DOCK1: variants seen among roughly 807,000 people sequenced by gnomAD.
DOCK1 encodes dedicator of cytokinesis 1.
DOCK1 carries 138 observed loss-of-function variants against 262.7 expected under a neutral mutation model. That is an observed-to-expected ratio of 0.53 (90% CI 0.46 to 0.61). The LOEUF is 0.61. Ranked by LOEUF, DOCK1 falls within the 20% of genes least tolerant of loss-of-function variation. The pLI, the probability that DOCK1 is intolerant of heterozygous loss-of-function variation, is 0.00. For synonymous variants in DOCK1, 866 were observed against 867.4 expected, an observed-to-expected ratio of 1.00 and a Z score of 0.03; for missense variants, 1,908 against 2,370.7, an observed-to-expected ratio of 0.80 and a Z score of 4.05.
intron 27 of DOCK1, among the ~76,000 whole-genome samples, chr10:127,131,456 C>A (rs1318820740): frequency 1.3e-5 from 2 of 152,204 alleles, no homozygotes; most frequent in African/African-American, 4.8e-5. Context: ...AAGCTATAAT[C>A]ATTTAATGAG....
At chr10:127,253,547 A>C (rs529364768) in intron 28 of DOCK1, among the ~76,000 whole-genome samples, 2 of 152,300 alleles carry the variant, frequency 1.3e-5, no homozygotes, top group South Asian at 4.1e-4. Flanking sequence ...TGTGGATCAC[A>C]AAAAATTTTA....
chr10:127,269,806 C>T (rs900605672), intron 29 of DOCK1, among the ~76,000 whole-genome samples: 1 of 152,204 alleles, frequency 6.6e-6, no homozygotes, highest in Non-Finnish European at 1.5e-5. Flanking sequence ...GCTCTTAAGC[C>T]ACATCCAAGG....
chr10:127,308,196 G>A (rs1305869682), intron 29 of DOCK1, among the ~76,000 whole-genome samples: 1 of 152,218 alleles, frequency 6.6e-6, no homozygotes, highest in Admixed American at 6.5e-5. Context: ...CCATCCTCCT[G>A]TCAGTCCTTA....
chr10:127,437,478 C>CTTTT lies in DOCK1; in HGVS notation c.5061-1531_5061-1528dup, dbSNP rs5788842. Among the ~76,000 whole-genome samples the CTTTT allele has an allele frequency of 2.7e-5, 4 of 145,916 alleles. No homozygotes were observed. Among genetic ancestry groups the CTTTT allele is most frequent in the Non-Finnish European group, 6.1e-5 (4 of 65,786 alleles). On this transcript the variant is annotated intron_variant, in intron 48 of 51. Transcript: ENST00000623213. This position sits in a 1 kb window ranked among gnomAD's most constrained non-coding sequence, Gnocchi z 4.4. Reference sequence around the variant, plus strand: ...GGAGCAAGATTGCTGCAATGACCATCTTTTTTTTTTTTTTTTTTTTTGAGA... The same window carrying CTTTT: ...GGAGCAAGATTGCTGCAATGACCATCTTTTTTTTTTTTTTTTTTTTTTTTTGAGA...
chr10:126,938,757 G>T (rs1269281853), intron 1 of DOCK1, among the ~76,000 whole-genome samples: 1 of 146,442 alleles, frequency 6.8e-6, no homozygotes, highest in Non-Finnish European at 1.6e-5. Context: ...ATGAACACCG[G>T]AGGGGATGAA....
chr10:127,194,717 TGAGG>T (rs1322360462), intron 27 of DOCK1, among the ~76,000 whole-genome samples: 1 of 152,062 alleles, frequency 6.6e-6, no homozygotes, highest in East Asian at 1.9e-4. Context: ...AAGTCCTCGT[TGAGG>T]GGGGAGCGTT....
rs990309879 is a variant in DOCK1 at position 126,932,282 on chromosome 10, G to T, written c.46+26719G>T. 2.6e-3 allele frequency among the ~76,000 whole-genome samples: 399 copies of T among 152,316 alleles called. 3 individuals are homozygous for T. Among genetic ancestry groups the T allele is most frequent in the African/African-American group, 9.3e-3 (385 of 41,570 alleles). ...GCTGGGGCGGGGTGTGTTGGCATGC[G>T]CCTAGTCTCAGCTATGCCGAAGGCT... is the stretch of plus-strand genomic sequence containing the variant. On this transcript the variant is annotated intron_variant, in intron 1 of 51. Coordinates refer to ENST00000623213, the MANE Select transcript of DOCK1 (RefSeq NM_001290223.2).
intron 42 of DOCK1, 139 bp downstream of exon 42, chr10:127,409,530 G>C: frequency 1.2e-6 from 1 of 866,130 alleles, no homozygotes; most frequent in Non-Finnish European, 1.8e-6. Flanking sequence ...CCTCTTTGAA[G>C]AGCAAGGGAA....
intron 27 of DOCK1, among the ~76,000 whole-genome samples, chr10:127,192,247 A>T (rs2056810430): frequency 6.6e-6 from 1 of 152,218 alleles, no homozygotes; most frequent in Non-Finnish European, 1.5e-5. Context: ...TCAGTGCTCT[A>T]TAAAATAAAT....
chr10:127,439,294 C>T, intron 49 of DOCK1, 69 bp downstream of exon 49: 1 of 1,491,790 alleles, frequency 6.7e-7, no homozygotes, highest in Non-Finnish European at 9.1e-7. Flanking sequence ...CCACCTGTAG[C>T]CAACAGGGCT....
chr10:127,162,761 C>T (rs557219647), intron 27 of DOCK1, among the ~76,000 whole-genome samples: 5 of 152,324 alleles, frequency 3.3e-5, no homozygotes, highest in South Asian at 4.1e-4. Flanking sequence ...CATAACGAGC[C>T]GGCCTCCCCA....
At chr10:127,316,344 G>A (rs182937978) in intron 29 of DOCK1, among the ~76,000 whole-genome samples, 1 of 152,240 alleles carries the variant, frequency 6.6e-6, no homozygotes. Context: ...TTTAGAATGT[G>A]GGGGAAACAG....
At chr10:127,068,930 C>T (rs776501576) in intron 23 of DOCK1, among the ~76,000 whole-genome samples, 1 of 152,186 alleles carries the variant, frequency 6.6e-6, no homozygotes, top group Non-Finnish European at 1.5e-5. Flanking sequence ...CTTACTTAAC[C>T]AGTTTTCCAT....
chr10:127,441,275 C>T (rs970492442), intron 49 of DOCK1, among the ~76,000 whole-genome samples: 1 of 152,178 alleles, frequency 6.6e-6, no homozygotes. Flanking sequence ...AGGGTCCTTG[C>T]AAGCAGCAGG....
At chr10:127,059,619 G>T (rs1441587965) in intron 22 of DOCK1, among the ~76,000 whole-genome samples, 1 of 151,974 alleles carries the variant, frequency 6.6e-6, no homozygotes, top group African/African-American at 2.4e-5. Flanking sequence ...AGTATATTTT[G>T]TAGTTTTAGA....
chr10:127,330,790 T>C lies in DOCK1; in HGVS notation c.3045-8216T>C, dbSNP rs557031030. 4.0e-4 allele frequency among the ~76,000 whole-genome samples: 61 copies of C among 152,278 alleles called. 1 individual carries two copies. The South Asian group carries it at 0.012, about 31-fold the overall frequency. On this transcript the variant is annotated intron_variant, in intron 29 of 51. Coordinates refer to ENST00000623213, the MANE Select transcript of DOCK1 (RefSeq NM_001290223.2). ...CTAAGTATACATAATCAATAAGCTA[T>C]AGAAGAAGTCATGAATATTAATGAA...
chr10:127,213,196 G>C (rs1483041818), intron 27 of DOCK1, among the ~76,000 whole-genome samples: 1 of 152,208 alleles, frequency 6.6e-6, no homozygotes, highest in African/African-American at 2.4e-5. Context: ...AGGGAAGAGA[G>C]AGAAAAATGT....
chr10:127,103,093 C>T (rs1044339753), intron 23 of DOCK1, among the ~76,000 whole-genome samples: 2 of 152,170 alleles, frequency 1.3e-5, no homozygotes, highest in Admixed American at 6.5e-5. Context: ...ATCACTGTGT[C>T]GTTCACGTGC....
chr10:127,423,231 T>C (rs1218852911), intron 46 of DOCK1, among the ~76,000 whole-genome samples: 1 of 152,224 alleles, frequency 6.6e-6, no homozygotes, highest in African/African-American at 2.4e-5. Context: ...TTCATCTGGT[T>C]TGGTTTTTTC....
Sources: gnomAD v4.1 joint callset for allele counts (sites outside exome capture counted in the v4.1 genomes callset) on GRCh38, gnomAD v4.1.1 for gene constraint, Gnocchi (gnomAD v3.1) non-coding constraint, MANE v1.5 for transcripts, NCBI Gene and HGNC (gene_info 2026-07-23, HGNC 2026-07-21) for gene names.